Variants in SMYD3 observed in about 807,000 individuals in gnomAD.
SMYD3 encodes SET and MYND domain containing 3.
A neutral mutation model predicts 57.7 loss-of-function variants in SMYD3; 36 were observed. The ratio of observed to expected loss-of-function variants is 0.62; its 90% CI spans 0.48 to 0.82. The LOEUF (loss-of-function observed/expected upper bound fraction) is 0.82. Ranked by LOEUF, SMYD3 falls within the 40% of genes least tolerant of loss-of-function variation. SMYD3 has a pLI of 0.00. For missense variants in SMYD3, 515 were observed against 538.8 expected (o/e 0.96, Z 0.44); for synonymous variants, 211 against 195.0 (o/e 1.08, Z -0.68).
intron 5 of SMYD3, among the ~76,000 whole-genome samples, chr1:246,003,619 T>G (rs559563904): frequency 6.6e-5 from 10 of 152,320 alleles, no homozygotes; most frequent in Admixed American, 2.6e-4. Flanking sequence ...AGAAATACAT[T>G]GCCTTTAGAT....
At chr1:246,174,963 T>C (rs2062408984) in intron 5 of SMYD3, among the ~76,000 whole-genome samples, 1 of 152,220 alleles carries the variant, frequency 6.6e-6, no homozygotes, top group Admixed American at 6.5e-5. Context: ...GAAAATCTTT[T>C]AGGTATTAAT....
chr1:246,024,299 C>G (rs2059532889), intron 5 of SMYD3, among the ~76,000 whole-genome samples: 1 of 151,928 alleles, frequency 6.6e-6, no homozygotes, highest in South Asian at 2.1e-4. Context: ...TATTGGTGGA[C>G]AGCATCTAGG....
At chr1:246,201,944 T>A (rs2062928942) in intron 5 of SMYD3, among the ~76,000 whole-genome samples, 1 of 150,068 alleles carries the variant, frequency 6.7e-6, no homozygotes, top group African/African-American at 2.5e-5. Flanking sequence ...ACCCGGGAGG[T>A]GGAGGTTGCA....
intron 8 of SMYD3, among the ~76,000 whole-genome samples, chr1:245,881,391 G>A (rs2052770212): frequency 6.6e-6 from 1 of 152,244 alleles, no homozygotes; most frequent in South Asian, 2.1e-4. Context: ...ATTACAAAGT[G>A]TTGGAGGAAG....
At chr1:246,366,919 A>AGC (rs928983482) in intron 1 of SMYD3, among the ~76,000 whole-genome samples, 1 of 137,722 alleles carries the variant, frequency 7.3e-6, no homozygotes. Context: ...CGACAGAGCG[A>AGC]GACTCCATCT....
intron 10 of SMYD3, among the ~76,000 whole-genome samples, chr1:245,829,962 G>C (rs956051799): frequency 6.6e-6 from 1 of 152,006 alleles, no homozygotes; most frequent in African/African-American, 2.4e-5. Context: ...GGACTGGGGG[G>C]CTGGGGAGAT....
At chr1:246,354,183 C>T (rs898090297) in intron 2 of SMYD3, among the ~76,000 whole-genome samples, 9 of 152,224 alleles carry the variant, frequency 5.9e-5, no homozygotes, top group African/African-American at 2.2e-4. Flanking sequence ...CACAAAACCT[C>T]TAATTAGACT....
chr1:245,955,828 C>T (rs1165124879), intron 5 of SMYD3: 1 of 612,640 alleles, frequency 1.6e-6, no homozygotes, highest in Admixed American at 6.4e-5. Flanking sequence ...CTTTTGGCTA[C>T]TTACAGATGG....
chr1:246,287,605 C>G (rs1052034585), intron 5 of SMYD3, among the ~76,000 whole-genome samples: 12 of 152,028 alleles, frequency 7.9e-5, no homozygotes, highest in African/African-American at 2.9e-4. Flanking sequence ...ATAGAAATAC[C>G]AAGTTTTGGG....
At chr1:246,395,609 CCACCATGGCTGGACAGGGAAGACGAACA>C (rs199884629) in intron 1 of SMYD3, among the ~76,000 whole-genome samples, 378 of 33,550 alleles carry the variant, frequency 0.011, 4 homozygotes, top group Middle Eastern at 0.074. Flanking sequence ...GAAGAGGAAC[CCACCATGGCTGGACAGGGAAGACGAACA>C]CACCACAGTC....
At chr1:245,952,454 C>T (rs929357562) in intron 5 of SMYD3, among the ~76,000 whole-genome samples, 2 of 152,106 alleles carry the variant, frequency 1.3e-5, no homozygotes, top group African/African-American at 2.4e-5. Context: ...AAAAAAATGA[C>T]GTTTTTATGG....
At chr1:246,326,552 T>A (rs1452368069) in intron 5 of SMYD3, among the ~76,000 whole-genome samples, 1 of 148,552 alleles carries the variant, frequency 6.7e-6, no homozygotes, top group African/African-American at 2.5e-5. Context: ...GGCGGGTGGA[T>A]CACCTGAGGT....
chr1:245,858,836 G>A (rs1295555920), intron 9 of SMYD3, among the ~76,000 whole-genome samples, 166 bp from the exon 10 acceptor site: 1 of 152,198 alleles, frequency 6.6e-6, no homozygotes, highest in African/African-American at 2.4e-5. Flanking sequence ...CAAAAGCACA[G>A]AAGAGGCATC....
chr1:246,081,797 A>G (rs1477603378), intron 5 of SMYD3, among the ~76,000 whole-genome samples: 2 of 152,214 alleles, frequency 1.3e-5, no homozygotes, highest in Non-Finnish European at 2.9e-5. Context: ...TGTAGCTCAT[A>G]CCTGTAATCC....
intron 3 of SMYD3, among the ~76,000 whole-genome samples, chr1:246,331,283 G>A (rs892652247): frequency 3.9e-5 from 6 of 152,318 alleles, no homozygotes; most frequent in Admixed American, 6.5e-5. Flanking sequence ...AAAAAGGGCC[G>A]AAGAAATCAC....
chr1:246,191,290 C>G (rs1201452956), intron 5 of SMYD3, among the ~76,000 whole-genome samples: 1 of 152,174 alleles, frequency 6.6e-6, no homozygotes. Context: ...GGTGGACCCA[C>G]AAATAATGGT....
intron 1 of SMYD3, among the ~76,000 whole-genome samples, chr1:246,378,833 T>C (rs1433773818): frequency 8.5e-6 from 1 of 117,770 alleles, no homozygotes; most frequent in African/African-American, 3.3e-5. Flanking sequence ...ATATAGTATA[T>C]ATAATTATAT....
At chr1:246,018,898 C>CCT (rs1181974844) in intron 5 of SMYD3, among the ~76,000 whole-genome samples, 1 of 152,108 alleles carries the variant, frequency 6.6e-6, no homozygotes, top group African/African-American at 2.4e-5. Context: ...GCCACCATGC[C>CCT]CAGCAGATTT....
chr1:246,504,532 T>C (rs1572065580), intron 1 of SMYD3, among the ~76,000 whole-genome samples: 1 of 152,374 alleles, frequency 6.6e-6, no homozygotes, highest in Non-Finnish European at 1.5e-5. Flanking sequence ...GTCATGTATC[T>C]GGTCTTTCGC....
Sources: gnomAD v4.1 joint callset for allele counts (sites outside exome capture counted in the v4.1 genomes callset) on GRCh38, gnomAD v4.1.1 for gene constraint, MANE v1.5 for transcripts, NCBI Gene and HGNC (gene_info 2026-07-23, HGNC 2026-07-21) for gene names.